MACROD2: variants seen among roughly 807,000 people sequenced by gnomAD.
MACROD2 encodes ADP-ribose glycohydrolase MACROD2.
In MACROD2, 36 loss-of-function variants were observed where a neutral mutation model predicts 70.4. The ratio of observed to expected loss-of-function variants is 0.51; its 90% confidence interval spans 0.39 to 0.68. MACROD2 has a LOEUF of 0.68. MACROD2 is among the 30% of genes least tolerant of loss of function. MACROD2 has a pLI of 0.00. For synonymous variants in MACROD2, 172 were observed against 178.8 expected (o/e 0.96, Z 0.30); for missense variants, 496 against 538.4 (o/e 0.92, Z 0.78).
chr20:14,613,472 G>T (rs1366318383), intron 4 of MACROD2, among the ~76,000 whole-genome samples: 2 of 152,088 alleles, frequency 1.3e-5, no homozygotes, highest in African/African-American at 2.4e-5. Flanking sequence ...ACCTTGGGAA[G>T]GGTGGATGAG....
chr20:14,955,728 T>G (rs1344813332), intron 5 of MACROD2, among the ~76,000 whole-genome samples: 4 of 152,056 alleles, frequency 2.6e-5, no homozygotes, highest in Non-Finnish European at 4.4e-5. Context: ...GCAACTGCAA[T>G]GCATTATGAT....
At chr20:14,736,016 T>C (rs2071660185) in intron 5 of MACROD2, among the ~76,000 whole-genome samples, 2 of 152,234 alleles carry the variant, frequency 1.3e-5, no homozygotes, top group South Asian at 2.1e-4. Context: ...AAACAAAAAC[T>C]TGTACACAAA....
chr20:15,437,355 T>A (rs1169877313), intron 7 of MACROD2, among the ~76,000 whole-genome samples: 1 of 152,100 alleles, frequency 6.6e-6, no homozygotes, highest in African/African-American at 2.4e-5. Context: ...TGAGGTCCAA[T>A]CTTGGGTCCC....
chr20:15,899,194 ATTTAC>A (rs1283456037), intron 10 of MACROD2, among the ~76,000 whole-genome samples: 1 of 151,886 alleles, frequency 6.6e-6, no homozygotes, highest in Non-Finnish European at 1.5e-5. Flanking sequence ...GTATGCATCT[ATTTAC>A]TTATCTAATC....
intron 3 of MACROD2, among the ~76,000 whole-genome samples, chr20:14,285,997 A>C (rs2082340978): frequency 1.3e-5 from 2 of 151,996 alleles, no homozygotes; most frequent in South Asian, 4.2e-4. Context: ...AAAAAAAGTG[A>C]AACACAATTC....
intron 10 of MACROD2, among the ~76,000 whole-genome samples, chr20:15,921,901 G>T (rs1568642331): frequency 6.6e-6 from 1 of 152,214 alleles, no homozygotes; most frequent in Non-Finnish European, 1.5e-5. Context: ...CCTGCGGGAG[G>T]ACTCCGGGAA....
At chr20:14,807,615 T>C (rs908673237) in intron 5 of MACROD2, among the ~76,000 whole-genome samples, 3 of 152,050 alleles carry the variant, frequency 2.0e-5, no homozygotes, top group Non-Finnish European at 2.9e-5. Flanking sequence ...AGAAGTAGGC[T>C]TCAGAAGGTG....
At chr20:14,188,491 G>A (rs577109168) in intron 3 of MACROD2, among the ~76,000 whole-genome samples, 10 of 152,104 alleles carry the variant, frequency 6.6e-5, no homozygotes, top group African/African-American at 2.2e-4. Flanking sequence ...TGATAATTCT[G>A]TATATGAAAT....
At chr20:15,233,929 A>G (rs2072681850) in intron 6 of MACROD2, among the ~76,000 whole-genome samples, 2 of 131,188 alleles carry the variant, frequency 1.5e-5, no homozygotes, top group South Asian at 2.5e-4. Context: ...AGTTATTTTT[A>G]TTTAACCATG....
At chr20:14,182,000 T>C (rs2081309067) in intron 3 of MACROD2, among the ~76,000 whole-genome samples, 1 of 152,222 alleles carries the variant, frequency 6.6e-6, no homozygotes, top group Non-Finnish European at 1.5e-5. Flanking sequence ...CTTGGTTAGA[T>C]ACCCAGGAGT....
intron 4 of MACROD2, among the ~76,000 whole-genome samples, chr20:14,641,712 CT>C (rs935774135): frequency 2.0e-5 from 3 of 152,232 alleles, no homozygotes; most frequent in Non-Finnish European, 2.9e-5. Context: ...TGAAAAAAAT[CT>C]TTTTTTCTGA....
At chr20:14,472,069 T>C (rs1296198402) in intron 3 of MACROD2, among the ~76,000 whole-genome samples, 1 of 152,184 alleles carries the variant, frequency 6.6e-6, no homozygotes, top group Non-Finnish European at 1.5e-5. Flanking sequence ...TTAATTAGCA[T>C]TCAGGGGAGT....
intron 3 of MACROD2, among the ~76,000 whole-genome samples, chr20:14,390,049 T>G (rs994846226): frequency 6.6e-6 from 1 of 152,132 alleles, no homozygotes; most frequent in East Asian, 1.9e-4. Flanking sequence ...TTCAACAAAG[T>G]CTTAGGATAC....
intron 5 of MACROD2, among the ~76,000 whole-genome samples, chr20:15,108,287 G>A (rs541695744): frequency 1.2e-4 from 19 of 152,200 alleles, no homozygotes; most frequent in Middle Eastern, 3.4e-3. Context: ...GCTAATGCTG[G>A]TTTTTATTAC....
rs373517979 is a variant in MACROD2, at chr20:16,011,950, C to T, written c.1153+24792C>T. On this transcript the variant is annotated intron_variant, in intron 15 of 17. Transcript: ENST00000684519. ...CTTGCATGGGCTGCACAGCTCCACACGATGGTCCTGCTTAGGGTCACTTGC... is the reference window on the plus strand; with the variant it reads ...CTTGCATGGGCTGCACAGCTCCACATGATGGTCCTGCTTAGGGTCACTTGC... 2.1e-4 allele frequency among the ~76,000 whole-genome samples: 32 copies of T among 151,886 alleles called. No homozygotes were observed. In the South Asian group the frequency reaches 6.0e-3, roughly 29 times the overall value.
At chr20:15,880,446 G>A (rs532738505) in intron 9 of MACROD2, among the ~76,000 whole-genome samples, 28 of 151,862 alleles carry the variant, frequency 1.8e-4, no homozygotes, top group African/African-American at 6.0e-4. Flanking sequence ...TGTTGGGGCG[G>A]CGGGGGTGTG....
chr20:15,598,165 C>T (rs1450693892), intron 8 of MACROD2, among the ~76,000 whole-genome samples: 1 of 152,140 alleles, frequency 6.6e-6, no homozygotes, highest in African/African-American at 2.4e-5. Flanking sequence ...CACCAGCTGG[C>T]AAAGGGGAAA....
intron 7 of MACROD2, among the ~76,000 whole-genome samples, chr20:15,475,833 C>T (rs2146443209): frequency 6.6e-6 from 1 of 152,346 alleles, no homozygotes; most frequent in African/African-American, 2.4e-5. Context: ...ATTCTGATGG[C>T]AGAAAACATT....
At chr20:15,687,370 G>A (rs1029155000) in intron 8 of MACROD2, among the ~76,000 whole-genome samples, 1 of 151,872 alleles carries the variant, frequency 6.6e-6, no homozygotes, top group Admixed American at 6.6e-5. Context: ...AGCTGCTGCT[G>A]CTTCTCTTCC....
Sources: allele counts gnomAD v4.1 joint callset (sites outside exome capture counted in the v4.1 genomes callset), GRCh38; gene constraint gnomAD v4.1.1; transcripts MANE v1.5; gene names NCBI Gene and HGNC (gene_info 2026-07-23, HGNC 2026-07-21).